BIRC6: variants seen among roughly 807,000 people sequenced by gnomAD.
The protein encoded by BIRC6 is dual E2 ubiquitin-conjugating enzyme/E3 ubiquitin-protein ligase BIRC6.
In BIRC6, 98 loss-of-function variants were observed where a neutral mutation model predicts 503.3. The observed-to-expected ratio is 0.19, with a 90% CI of 0.17 to 0.23. BIRC6 has a LOEUF of 0.23. Among genes scored for constraint, BIRC6 ranks in the 10% least tolerant of loss-of-function variants. The pLI is 1.00. For synonymous variants in BIRC6, 2,240 were observed against 2,078.7 expected, an observed-to-expected ratio of 1.08 and a Z score of -2.11; for missense variants, 5,360 against 5,806.0, an observed-to-expected ratio of 0.92 and a Z score of 2.50.
intron 10 of BIRC6, among the ~76,000 whole-genome samples, chr2:32,427,080 A>T (rs916440031): frequency 3.9e-5 from 6 of 152,136 alleles, no homozygotes; most frequent in African/African-American, 1.2e-4. Flanking sequence ...AAGAGCTTAT[A>T]TATATATGTG....
At chr2:32,543,194 A>T (rs1383155167) in intron 61 of BIRC6, 47 bp from the exon 62 acceptor site, 5 of 1,539,792 alleles carry the variant, frequency 3.2e-6, no homozygotes, top group East Asian at 2.3e-5. Context: ...TTTGAATCTG[A>T]TGTTGAAAAT....
At chr2:32,420,043 T>C (rs2042772981) in intron 10 of BIRC6, among the ~76,000 whole-genome samples, 2 of 152,256 alleles carry the variant, frequency 1.3e-5, no homozygotes, top group Admixed American at 6.5e-5. Flanking sequence ...GTTCCTGGGA[T>C]AAAACCCATT....
chr2:32,539,577 A>G (rs2057500336), intron 61 of BIRC6, among the ~76,000 whole-genome samples: 2 of 152,198 alleles, frequency 1.3e-5, no homozygotes, highest in South Asian at 4.1e-4. Context: ...TTTTAGTAAC[A>G]CATGGATGAA....
At chr2:32,433,248 A>G (rs1574168717) in intron 12 of BIRC6, among the ~76,000 whole-genome samples, 1 of 152,148 alleles carries the variant, frequency 6.6e-6, no homozygotes, top group Non-Finnish European at 1.5e-5. Flanking sequence ...ATTTTCCAGC[A>G]TATATATAGC....
chr2:32,370,112 C>G (rs2035713761), intron 1 of BIRC6, among the ~76,000 whole-genome samples: 1 of 150,082 alleles, frequency 6.7e-6, no homozygotes, highest in Non-Finnish European at 1.5e-5. Context: ...GTTCAGCATC[C>G]TAAAGGAATA....
intron 63 of BIRC6, among the ~76,000 whole-genome samples, chr2:32,546,943 G>C (rs1224093344): frequency 6.6e-6 from 1 of 152,130 alleles, no homozygotes; most frequent in East Asian, 1.9e-4. Flanking sequence ...GCCGGGCCTG[G>C]TGGCTCACAC....
chr2:32,616,560 CAAAA>C (rs201587938), intron 73 of BIRC6, among the ~76,000 whole-genome samples: 1 of 99,084 alleles, frequency 1.0e-5, no homozygotes, highest in Non-Finnish European at 2.0e-5. Flanking sequence ...ACCTTGTTCT[CAAAA>C]AAAAAAAAAA....
chr2:32,377,928 C>CA (rs2149369879), intron 2 of BIRC6, among the ~76,000 whole-genome samples, 159 bp downstream of exon 2: 1 of 152,226 alleles, frequency 6.6e-6, no homozygotes, highest in South Asian at 2.1e-4. Context: ...TATTAATACT[C>CA]ACCTTTTCTC....
In BIRC6 at chr2:32,380,658, GGAGTTAGCT is replaced by G. The variant is rs572957931; in HGVS notation, c.645+372_645+380del. Among the ~76,000 whole-genome samples, 579 of 152,202 alleles carry G rather than the reference GGAGTTAGCT, an allele frequency of 3.8e-3. 3 individuals are homozygous for G. Among genetic ancestry groups the G allele is most frequent in the African/African-American group, 0.013 (548 of 41,484 alleles). ...TGAGAATCACTTGAACCCAGGAGGC[GGAGTTAGCT>G]GAGATTGCAGAGATTGCGCCACTGC... is the stretch of plus-strand genomic sequence containing the variant. On this transcript the variant is annotated intron_variant, in intron 3 of 73. Transcript: ENST00000421745.
At chr2:32,458,313 C>G (rs561109010) in intron 23 of BIRC6, among the ~76,000 whole-genome samples, 220 of 152,210 alleles carry the variant, frequency 1.4e-3, no homozygotes, top group Non-Finnish European at 2.8e-3. Flanking sequence ...TAGTTGATAG[C>G]CTCCTGAAGT....
chr2:32,478,234 G>A (rs981857734), intron 35 of BIRC6, among the ~76,000 whole-genome samples: 8 of 152,068 alleles, frequency 5.3e-5, no homozygotes, highest in African/African-American at 1.7e-4. Flanking sequence ...TTACTCGGGA[G>A]GCTGAGGCAG....
At chr2:32,494,766 C>G (rs1400883646) in intron 45 of BIRC6, among the ~76,000 whole-genome samples, 2 of 151,870 alleles carry the variant, frequency 1.3e-5, no homozygotes, top group African/African-American at 4.8e-5. Context: ...AAGAAATTAG[C>G]TAGGGTGTGG....
chr2:32,511,201 C>CTTTTTTTTTTTT, intron 53 of BIRC6, among the ~76,000 whole-genome samples: 26 of 48,576 alleles, frequency 5.4e-4, no homozygotes, highest in Admixed American at 1.1e-3. Context: ...CTTTTCTTTT[C>CTTTTTTTTTTTT]TTTTTTTTTT....
At chr2:32,520,943 G>T (rs1036883799) in intron 57 of BIRC6, among the ~76,000 whole-genome samples, 6 of 152,136 alleles carry the variant, frequency 3.9e-5, no homozygotes, top group African/African-American at 1.4e-4. Flanking sequence ...CAAAATAACT[G>T]AAAATTGAAC....
chr2:32,549,201 C>A, intron 64 of BIRC6, 112 bp from the exon 65 acceptor site: 1 of 670,476 alleles, frequency 1.5e-6, no homozygotes, highest in Non-Finnish European at 2.3e-6. Context: ...GTATAAGATA[C>A]TGATTAAGTA....
intron 72 of BIRC6, 72 bp from the exon 73 acceptor site, chr2:32,611,376 G>A: frequency 8.0e-7 from 1 of 1,243,750 alleles, no homozygotes; most frequent in South Asian, 2.3e-5. Flanking sequence ...TTACTTCTTT[G>A]TAATGTCATT....
At position 32,362,633 on chromosome 2, in the gene BIRC6, A is replaced by G. The variant is rs115790033; in HGVS notation, c.325+5147A>G. 1.9e-3 allele frequency among the ~76,000 whole-genome samples: 296 copies of G among 152,106 alleles called. 1 individual carries two copies. The highest frequency in any genetic ancestry group is 6.5e-3 in the African/African-American group (268 of 41,516). On this transcript the variant is annotated intron_variant, in intron 1 of 73. Transcript: ENST00000421745. ...TCACCCAGCCTGACTTTGGGTTTTA[A>G]AAATAAAAAAGCTACACACCACTTG...
At chr2:32,578,731 G>C (rs1369799249) in intron 66 of BIRC6, among the ~76,000 whole-genome samples, 1 of 151,658 alleles carries the variant, frequency 6.6e-6, no homozygotes, top group Non-Finnish European at 1.5e-5. Context: ...GGGAGGTGGG[G>C]GTTGCAGTGA....
chr2:32,475,259 A>G (rs1190157541), intron 33 of BIRC6, among the ~76,000 whole-genome samples: 1 of 151,484 alleles, frequency 6.6e-6, no homozygotes, highest in East Asian at 1.9e-4. Context: ...TTATTCATTT[A>G]TAATTGTGGC....
Sources: allele counts gnomAD v4.1 joint callset (sites outside exome capture counted in the v4.1 genomes callset), GRCh38; gene constraint gnomAD v4.1.1; transcripts MANE v1.5; gene names NCBI Gene and HGNC (gene_info 2026-07-23, HGNC 2026-07-21).